The following NSFL1C variants were observed in gnomAD, a reference collection of about 807,000 sequenced individuals.
NSFL1C encodes the protein NSFL1 cofactor p47.
Under a neutral mutation model 43.1 loss-of-function variants are expected in NSFL1C, and 14 were observed. The observed-to-expected ratio is 0.32, with a 90% CI of 0.21 to 0.51. The LOEUF (loss-of-function observed/expected upper bound fraction) is 0.51. Ranked by LOEUF, NSFL1C falls within the 20% of genes least tolerant of loss-of-function variation. The pLI, the probability that NSFL1C is intolerant of heterozygous loss-of-function variation, is 0.98. For synonymous variants in NSFL1C, 171 were observed against 183.5 expected, an observed-to-expected ratio of 0.93 and a Z score of 0.55; for missense variants, 406 against 472.5, an observed-to-expected ratio of 0.86 and a Z score of 1.30.
At position 1,442,563 on chromosome 20, in the gene NSFL1C, C is replaced by G. The variant is rs2089970538; in HGVS notation, c.*1186G>C. On this transcript the variant is annotated 3_prime_UTR_variant, in exon 9 of 9. Coordinates refer to ENST00000216879, the MANE Select transcript of NSFL1C (RefSeq NM_016143.5). ...TGTTTAATACGGGAAAGGGTTCCAT[C>G]CAAGAGCCCAATAGGCCTCCTCTCC... The G allele has an allele frequency of 6.6e-6, 1 of 152,226 alleles. No individual in the cohort carries two copies. 9.4% of individuals were successfully genotyped at this position (152,226 alleles called of 1,614,324 possible).
chr20:1,455,758 T>A (rs776911789), intron 3 of NSFL1C: 1 of 779,110 alleles, frequency 1.3e-6, no homozygotes, highest in Non-Finnish European at 2.4e-6. Context: ...AGCAGATGTA[T>A]GCAAAAGAAC....
chr20:1,456,444 TAG>T (rs2090302230), intron 3 of NSFL1C: 1 of 152,180 alleles, frequency 6.6e-6, no homozygotes, highest in Admixed American at 6.5e-5. Context: ...GGAATGAAAA[TAG>T]AGAATAGAAC....
chr20:1,451,637 G>A (rs922217761), intron 7 of NSFL1C, among the ~76,000 whole-genome samples: 5 of 152,228 alleles, frequency 3.3e-5, no homozygotes, highest in African/African-American at 4.8e-5. Flanking sequence ...AGTTCCCTCT[G>A]AAGAACACTC....
At chr20:1,446,844 A>AAG (rs2090069832) in intron 7 of NSFL1C, among the ~76,000 whole-genome samples, 2 of 152,154 alleles carry the variant, frequency 1.3e-5, no homozygotes, top group Non-Finnish European at 2.9e-5. Flanking sequence ...AAAGCCTCTA[A>AAG]TTAGATCAGT....
chr20:1,445,992 T>C, intron 7 of NSFL1C, 162 bp from the exon 8 acceptor site: 1 of 698,596 alleles, frequency 1.4e-6, no homozygotes, highest in Admixed American at 2.8e-5. Flanking sequence ...TTATGGAACT[T>C]ACAGGTCCAG....
chr20:1,450,467 C>T (rs2090160689), intron 7 of NSFL1C, among the ~76,000 whole-genome samples: 1 of 152,068 alleles, frequency 6.6e-6, no homozygotes, highest in Non-Finnish European at 1.5e-5. Context: ...GCTCATTCTC[C>T]ACATTAATAT....
chr20:1,459,353 G>A (rs2090366203), intron 2 of NSFL1C, among the ~76,000 whole-genome samples: 1 of 152,212 alleles, frequency 6.6e-6, no homozygotes. Context: ...ATGTGAAGAT[G>A]TGCTTGCTTC....
intron 7 of NSFL1C, 79 bp from the exon 8 acceptor site, chr20:1,445,909 C>A: frequency 2.0e-6 from 3 of 1,466,028 alleles, no homozygotes; most frequent in Non-Finnish European, 2.8e-6. Context: ...TGGACTGTTA[C>A]TGAGCATTTG....
At chr20:1,454,845 C>T in intron 4 of NSFL1C, 122 bp downstream of exon 4, 2 of 1,060,236 alleles carry the variant, frequency 1.9e-6, no homozygotes. Context: ...GTGTTCCGCA[C>T]AGAAGACCAA....
intron 7 of NSFL1C, among the ~76,000 whole-genome samples, chr20:1,448,216 G>A (rs149847048): frequency 1.1e-4 from 16 of 152,276 alleles, no homozygotes; most frequent in African/African-American, 3.6e-4. Context: ...AGTCCCTACT[G>A]TCCCTATTAT....
intron 3 of NSFL1C, 36 bp downstream of exon 3, chr20:1,458,164 G>A: frequency 6.5e-7 from 1 of 1,542,166 alleles, no homozygotes; most frequent in Non-Finnish European, 9.0e-7. Context: ...GGACTTCCCT[G>A]TGAACTGTCC....
At chr20:1,443,955 TCCATACCCCTGC>T in intron 8 of NSFL1C, 44 bp from the exon 9 acceptor site, 2 of 1,575,180 alleles carry the variant, frequency 1.3e-6, no homozygotes, top group Non-Finnish European at 1.7e-6. Context: ...TCCTCTGCTG[TCCATACCCCTGC>T]CCTGTGGAAA....
chr20:1,448,837 T>C (rs532800590), intron 7 of NSFL1C, among the ~76,000 whole-genome samples: 2 of 152,286 alleles, frequency 1.3e-5, no homozygotes, highest in East Asian at 1.9e-4. Context: ...TCCGAGCTAT[T>C]TGGCTCTCCA....
At chr20:1,452,659 C>T (rs2090207698) in intron 6 of NSFL1C, 29 bp from the exon 7 acceptor site, 1 of 1,612,262 alleles carries the variant, frequency 6.2e-7, no homozygotes, top group African/African-American at 1.3e-5. Context: ...TGCTGAGGTC[C>T]ACAGAGAGAA....
At position 1,442,319 on chromosome 20, in the gene NSFL1C, T is replaced by G. The variant is rs1000951612; in HGVS notation, c.*1430A>C. The G allele has an allele frequency of 2.0e-5, 3 of 152,076 alleles. No individual in the cohort carries two copies. The highest frequency in any genetic ancestry group is 7.2e-5 in the African/African-American group (3 of 41,392). The allele number at this position is 152,076 out of a possible 1,614,324, so 9.4% of individuals were successfully genotyped here. On this transcript the variant is annotated 3_prime_UTR_variant, in exon 9 of 9. Coordinates refer to ENST00000216879, the MANE Select transcript of NSFL1C (RefSeq NM_016143.5). ...CACTGCCGGTGTGGGAACTTTGGGA[T>G]CAAAAGCACCAAGCCAAGTCCCTTG...
chr20:1,445,940 G>T, intron 7 of NSFL1C, 110 bp from the exon 8 acceptor site: 1 of 1,183,650 alleles, frequency 8.4e-7, no homozygotes, highest in South Asian at 1.4e-5. Flanking sequence ...GGCATTGTTT[G>T]GTGCTGCTGA....
chr20:1,445,400 C>T (rs2122799565), intron 8 of NSFL1C, among the ~76,000 whole-genome samples: 1 of 152,176 alleles, frequency 6.6e-6, no homozygotes, highest in East Asian at 1.9e-4. Flanking sequence ...TAAAAAAAGC[C>T]CTGAGAAATC....
At chr20:1,464,502 A>C in intron 1 of NSFL1C, 76 bp from the exon 2 acceptor site, 1 of 1,220,724 alleles carries the variant, frequency 8.2e-7, no homozygotes, top group African/African-American at 1.5e-5. Flanking sequence ...AGCACAAAGG[A>C]ATACAGACAT....
At chr20:1,455,230 AT>A in intron 3 of NSFL1C, 98 bp from the exon 4 acceptor site, 1 of 1,349,932 alleles carries the variant, frequency 7.4e-7, no homozygotes, top group Non-Finnish European at 1.1e-6. Context: ...AAAGGGTACA[AT>A]GCTTGTCTTT....
Sources: allele counts gnomAD v4.1 joint callset (sites outside exome capture counted in the v4.1 genomes callset), GRCh38; gene constraint gnomAD v4.1.1; transcripts MANE v1.5; gene names NCBI Gene and HGNC (gene_info 2026-07-23, HGNC 2026-07-21).